The following PCDHGA7 variants were observed in gnomAD, a reference collection of about 807,000 sequenced individuals.
PCDHGA7 encodes the protein protocadherin gamma subfamily A, 7, also known as protocadherin gamma-A7.
PCDHGA7 carries 44 observed loss-of-function variants against 58.3 expected under a neutral mutation model. The observed-to-expected ratio is 0.75, with a 90% CI of 0.59 to 0.97. PCDHGA7 has a LOEUF of 0.97. PCDHGA7 is among the 50% of genes least tolerant of loss of function. The pLI, the probability that PCDHGA7 is intolerant of heterozygous loss-of-function variation, is 0.00. For synonymous variants in PCDHGA7, 516 were observed against 504.2 expected, an observed-to-expected ratio of 1.02 and a Z score of -0.31; for missense variants, 1,266 against 1,188.7, an observed-to-expected ratio of 1.06 and a Z score of -0.96.
chr5:141,439,568 A>G (rs2098121048), intron 1 of PCDHGA7, among the ~76,000 whole-genome samples: 1 of 152,208 alleles, frequency 6.6e-6, no homozygotes, highest in Non-Finnish European at 1.5e-5. Context: ...GTTCTAGAGT[A>G]GGGACTCAGA....
rs1338163064 is a variant in PCDHGA7 at position 141,382,873 on chromosome 5, C to G, written c.-27C>G. 4 of 1,522,326 alleles carry G rather than the reference C, an allele frequency of 2.6e-6. No individual in the cohort carries two copies. Among genetic ancestry groups the G allele is most frequent in the Non-Finnish European group, 3.5e-6 (4 of 1,136,778 alleles). The allele number at this position is 1,522,326 out of a possible 1,614,324, so 94.3% of individuals were successfully genotyped here. The stretch of plus-strand genomic sequence containing the variant: ...ATTCTGAAGCACTTCCCGAGATCGG[C>G]GCCTAAGCAAGAGAAGCAGGACGAC... On this transcript the variant is annotated 5_prime_UTR_variant, in exon 1 of 4. Coordinates refer to ENST00000518325, the MANE Select transcript of PCDHGA7 (RefSeq NM_018920.4).
At chr5:141,502,887 G>T (rs2099816882) in intron 2 of PCDHGA7, among the ~76,000 whole-genome samples, 1 of 40,910 alleles carries the variant, frequency 2.4e-5, no homozygotes, top group Non-Finnish European at 4.5e-5. Context: ...TTTTGACAGG[G>T]AGTCTAGCTC....
rs776990176 is a variant in PCDHGA7 at position 141,485,136 on chromosome 5, C to A, written c.2425-9671C>A. ...GTTTGGGGCGGGTCGGCTTCATCCG[C>A]GTCTCAGGAGCAAGTAGAGAATTAG... On this transcript the variant is annotated intron_variant, in intron 1 of 3. Transcript: ENST00000518325. The surrounding 1 kb of genome is among the most constrained non-coding windows in gnomAD (Gnocchi z 5.7). The A allele has an allele frequency of 4.0e-6, 6 of 1,502,706 alleles. No individual in the cohort carries two copies. The South Asian group carries it at 5.9e-5, about 15-fold the overall frequency. The allele number at this position is 1,502,706 out of a possible 1,614,324, so 93.1% of individuals were successfully genotyped here.
chr5:141,389,094 A>G (rs2091600869), intron 1 of PCDHGA7: 4 of 1,613,928 alleles, frequency 2.5e-6, no homozygotes, highest in Admixed American at 1.7e-5. Flanking sequence ...TAAATTAGTG[A>G]CAGATGCTGT....
Position 141,432,599 on chromosome 5 carries a change from C to T in PCDHGA7, c.2424+47276C>T. 2.5e-6 allele frequency: 4 copies of T among 1,613,908 alleles called. No individual in the cohort carries two copies. The highest frequency in any genetic ancestry group is 2.7e-5 in the African/African-American group (2 of 75,052). On this transcript the variant is annotated intron_variant, in intron 1 of 3. Coordinates refer to ENST00000518325, the MANE Select transcript of PCDHGA7 (RefSeq NM_018920.4). The surrounding 1 kb of genome is among the most constrained non-coding windows in gnomAD (Gnocchi z 6.0). Reference sequence around the variant, plus strand: ...CTACCGTCTGCTCAAGGCCAGCGAGCCGGGACTCTTCTCGGTGGGTCTGCA... The same window carrying T: ...CTACCGTCTGCTCAAGGCCAGCGAGTCGGGACTCTTCTCGGTGGGTCTGCA...
chr5:141,481,691 C>G (rs929210528), intron 1 of PCDHGA7, among the ~76,000 whole-genome samples: 3 of 152,080 alleles, frequency 2.0e-5, no homozygotes, highest in African/African-American at 4.8e-5. Context: ...TGGTGGCTCA[C>G]GCCTGTAATC....
intron 1 of PCDHGA7, chr5:141,395,503 G>A (rs1428846111): frequency 2.2e-6 from 1 of 457,378 alleles, no homozygotes; most frequent in Non-Finnish European, 3.8e-6. Flanking sequence ...ATTCACTTAA[G>A]AAGTAGCTAC....
At chr5:141,444,788 G>T (rs775248284) in intron 1 of PCDHGA7, among the ~76,000 whole-genome samples, 59 of 151,920 alleles carry the variant, frequency 3.9e-4, no homozygotes, top group Non-Finnish European at 5.7e-4. Context: ...TGTTTCATTT[G>T]TCTATTCTTT....
chr5:141,452,054 C>T (rs578157525), intron 1 of PCDHGA7, among the ~76,000 whole-genome samples: 2 of 152,078 alleles, frequency 1.3e-5, no homozygotes, highest in Admixed American at 1.3e-4. Flanking sequence ...TTTGTAATAA[C>T]TTATTCTACT....
rs188916402 is a variant in PCDHGA7, at chr5:141,473,975, G to A, written c.2425-20832G>A. 4.6e-5 allele frequency among the ~76,000 whole-genome samples: 7 copies of A among 152,222 alleles called. No homozygotes were observed. The East Asian group carries it at 7.7e-4, about 17-fold the overall frequency. ...TCCCATCTACTTAGAAGTCTGAGGCGGGAGGATCCCTTGAGCCCAAGGAGC... is the reference window on the plus strand; with the variant it reads ...TCCCATCTACTTAGAAGTCTGAGGCAGGAGGATCCCTTGAGCCCAAGGAGC... On this transcript the variant is annotated intron_variant, in intron 1 of 3. Transcript: ENST00000518325.
intron 1 of PCDHGA7, chr5:141,423,382 C>A (rs1244632347): frequency 6.2e-7 from 1 of 1,614,118 alleles, no homozygotes; most frequent in Admixed American, 1.7e-5. Context: ...CAGGCTGTGG[C>A]GCTGGCATAA....
At position 141,402,613 on chromosome 5, in the gene PCDHGA7, A is replaced by G. The variant is rs145557523; in HGVS notation, c.2424+17290A>G. Among the ~76,000 whole-genome samples the G allele has an allele frequency of 3.8e-3, 581 of 152,376 alleles. 6 individuals are homozygous for G. Among genetic ancestry groups the G allele is most frequent in the Admixed American group, 0.011 (170 of 15,298 alleles). The stretch of plus-strand genomic sequence containing the variant: ...AGATTGCTTTTGAAATACAAATGCA[A>G]GAAACAATTGGAGAAATCTAAAATC... On this transcript the variant is annotated intron_variant, in intron 1 of 3. Coordinates refer to ENST00000518325, the MANE Select transcript of PCDHGA7 (RefSeq NM_018920.4).
At chr5:141,419,029 T>C in intron 1 of PCDHGA7, 1 of 1,613,886 alleles carries the variant, frequency 6.2e-7, no homozygotes, top group Non-Finnish European at 8.5e-7. Flanking sequence ...GTAGAGGTGT[T>C]CCATTTAAGA....
chr5:141,415,107 A>T, intron 1 of PCDHGA7: 1 of 1,613,624 alleles, frequency 6.2e-7, no homozygotes, highest in Non-Finnish European at 8.5e-7. Flanking sequence ...CGCTCAAGCA[A>T]AGCCTCGTAG....
intron 1 of PCDHGA7, among the ~76,000 whole-genome samples, chr5:141,467,824 G>A (rs1272399938): frequency 2.0e-5 from 3 of 151,798 alleles, no homozygotes; most frequent in Non-Finnish European, 4.4e-5. Flanking sequence ...ACACCAGGCT[G>A]ATTTTTATAT....
At position 141,494,841 on chromosome 5, in the gene PCDHGA7, A is replaced by G. The variant is rs1163193977; in HGVS notation, c.2459A>G (p.Gln820Arg). ...APPNTDWRFS[Q>R]AQRPGTSGSQ... ...CCCAACACGGACTGGCGTTTCTCTC[A>G]GGCCCAGAGACCCGGCACCAGCGGG... The change falls in exon 2 of 4, where the codon CAG (glutamine) becomes CGG (arginine). Residue 820 changes from glutamine to arginine, a missense_variant. Gln to Arg is a conservative substitution (Grantham distance 43). Coordinates refer to ENST00000518325, the MANE Select transcript of PCDHGA7 (RefSeq NM_018920.4). 1 of 1,613,996 alleles carries G rather than the reference A, an allele frequency of 6.2e-7. No homozygotes were observed. The highest frequency in any genetic ancestry group is 1.1e-5 in the South Asian group (1 of 91,074).
intron 1 of PCDHGA7, among the ~76,000 whole-genome samples, chr5:141,447,600 T>G (rs769487703): frequency 6.6e-6 from 1 of 151,992 alleles, no homozygotes; most frequent in Non-Finnish European, 1.5e-5. Flanking sequence ...TCCTATAGAG[T>G]CCTTAGCATT....
intron 1 of PCDHGA7, among the ~76,000 whole-genome samples, chr5:141,437,486 G>A (rs530079212): frequency 2.6e-5 from 4 of 152,224 alleles, no homozygotes; most frequent in South Asian, 2.1e-4. Flanking sequence ...ATTTAATCTC[G>A]TAGATCACTT....
At position 141,489,108 on chromosome 5, in the gene PCDHGA7, A is replaced by C; in HGVS notation, c.2425-5699A>C. The C allele has an allele frequency of 2.0e-6, 1 of 489,086 alleles. No individual in the cohort carries two copies. The highest frequency in any genetic ancestry group is 3.5e-6 in the Non-Finnish European group (1 of 287,626). 30.3% of individuals were successfully genotyped at this position (489,086 alleles called of 1,614,324 possible). On this transcript the variant is annotated intron_variant, in intron 1 of 3. Transcript: ENST00000518325. This position sits in a 1 kb window ranked among gnomAD's most constrained non-coding sequence, Gnocchi z 4.5. The stretch of plus-strand genomic sequence containing the variant: ...TCGGTGACTAAGAACTGCTGCAAGC[A>C]GGCAAACCTCCGAGCAGTTTTTAAG...
Sources: allele counts gnomAD v4.1 joint callset (sites outside exome capture counted in the v4.1 genomes callset), GRCh38; gene constraint gnomAD v4.1.1; non-coding constraint Gnocchi (gnomAD v3.1); transcripts MANE v1.5; gene names NCBI Gene and HGNC (gene_info 2026-07-23, HGNC 2026-07-21).